The following CNBD1 variants were observed in gnomAD, a reference collection of about 807,000 sequenced individuals.
CNBD1 encodes cyclic nucleotide-binding domain-containing protein 1.
In CNBD1, 71 loss-of-function variants were observed where a neutral mutation model predicts 54.4. The observed-to-expected ratio is 1.30, with a 90% CI of 1.08 to 1.59. The LOEUF (loss-of-function observed/expected upper bound fraction) is 1.59, where lower values mean the gene tolerates loss of function less well. Ranked by LOEUF, CNBD1 falls within the 40% of genes most tolerant of loss-of-function variation. The probability of loss-of-function intolerance (pLI) is 0.00; values close to 1 mark genes in which losing one functional copy is unlikely to be tolerated. For missense variants in CNBD1, 659 were observed against 518.0 expected, an observed-to-expected ratio of 1.27 and a Z score of -2.64; for synonymous variants, 182 against 170.7, an observed-to-expected ratio of 1.07 and a Z score of -0.51.
chr8:87,372,526 C>T (rs1346663506), intron 10 of CNBD1, among the ~76,000 whole-genome samples: 2 of 151,834 alleles, frequency 1.3e-5, no homozygotes, highest in Non-Finnish European at 2.9e-5. Flanking sequence ...TTTAGAGTCA[C>T]CATAAACGTG....
At chr8:87,155,256 C>A (rs1451451153) in intron 4 of CNBD1, among the ~76,000 whole-genome samples, 1 of 152,158 alleles carries the variant, frequency 6.6e-6, no homozygotes, top group Non-Finnish European at 1.5e-5. Context: ...TGTTGACCTT[C>A]ATGAGATCCA....
intron 4 of CNBD1, among the ~76,000 whole-genome samples, chr8:87,173,782 CA>C (rs2130770921): frequency 6.6e-6 from 1 of 151,526 alleles, no homozygotes; most frequent in East Asian, 1.9e-4. Flanking sequence ...CCTTCTTGTA[CA>C]TGGATATTGA....
intron 4 of CNBD1, among the ~76,000 whole-genome samples, chr8:87,099,792 T>G (rs1331136942): frequency 2.0e-5 from 3 of 152,332 alleles, no homozygotes; most frequent in Non-Finnish European, 2.9e-5. Flanking sequence ...TAACAGACTC[T>G]TAAGTGGAGA....
At chr8:87,320,115 A>T (rs1421497165) in intron 8 of CNBD1, among the ~76,000 whole-genome samples, 1 of 152,084 alleles carries the variant, frequency 6.6e-6, no homozygotes, top group Non-Finnish European at 1.5e-5. Flanking sequence ...ATTGTGATAG[A>T]TGTTCTTTTA....
At chr8:87,033,016 T>C (rs554718177) in intron 4 of CNBD1, among the ~76,000 whole-genome samples, 3 of 152,318 alleles carry the variant, frequency 2.0e-5, no homozygotes, top group South Asian at 2.1e-4. Context: ...GTTTCCTTGA[T>C]TGACTCTATC....
intron 4 of CNBD1, among the ~76,000 whole-genome samples, chr8:87,187,572 A>G (rs1304082203): frequency 6.6e-6 from 1 of 151,876 alleles, no homozygotes; most frequent in East Asian, 1.9e-4. Context: ...ATTTCAAACC[A>G]GCATTATCAG....
At chr8:87,016,969 G>A (rs955617355) in intron 4 of CNBD1, among the ~76,000 whole-genome samples, 7 of 152,124 alleles carry the variant, frequency 4.6e-5, no homozygotes, top group African/African-American at 7.2e-5. Context: ...TGTTACCCAC[G>A]TCATGGTAAA....
chr8:86,989,087 A>G (rs1808678260), intron 4 of CNBD1, among the ~76,000 whole-genome samples: 1 of 152,122 alleles, frequency 6.6e-6, no homozygotes, highest in Non-Finnish European at 1.5e-5. Context: ...CACAGGCAAC[A>G]TAGTGAGATT....
At position 87,190,969 on chromosome 8, in the gene CNBD1, G is replaced by GAT. The variant is rs1412214937; in HGVS notation, c.432-15015_432-15014dup. The stretch of plus-strand genomic sequence containing the variant: ...TACATATATGTGTATCTGTATGAAA[G>GAT]ATATATATATGTATCTAATGAAAGC... On this transcript the variant is annotated intron_variant, in intron 4 of 10. Coordinates refer to ENST00000518476, the MANE Select transcript of CNBD1 (RefSeq NM_173538.3). Among the ~76,000 whole-genome samples the GAT allele has an allele frequency of 1.3e-4, 17 of 129,696 alleles. No individual in the cohort carries two copies. The South Asian group carries it at 1.9e-3, about 14-fold the overall frequency. 85.1% of individuals were successfully genotyped at this position (129,696 alleles called of 152,430 possible). A position where few individuals can be genotyped will look rare whatever the true frequency, so the allele number is the denominator to read the frequency against.
intron 2 of CNBD1, among the ~76,000 whole-genome samples, chr8:87,393,737 A>G (rs866074775): frequency 5.9e-5 from 9 of 152,036 alleles, no homozygotes; most frequent in Admixed American, 2.0e-4. Flanking sequence ...GAAGAGGGAG[A>G]GAAAACCACC....
chr8:86,933,772 TTAA>T (rs925231598), intron 3 of CNBD1, among the ~76,000 whole-genome samples: 7 of 152,070 alleles, frequency 4.6e-5, no homozygotes, highest in African/African-American at 1.7e-4. Context: ...TTTTATTTGT[TTAA>T]TAATTAATAT....
At chr8:87,365,367 G>C (rs1356819918) in intron 10 of CNBD1, among the ~76,000 whole-genome samples, 2 of 151,678 alleles carry the variant, frequency 1.3e-5, no homozygotes, top group South Asian at 2.1e-4. Flanking sequence ...TTGTACATTT[G>C]TTTAAGTTAC....
chr8:87,167,131 C>T (rs1479274474), intron 4 of CNBD1, among the ~76,000 whole-genome samples: 1 of 151,902 alleles, frequency 6.6e-6, no homozygotes, highest in Non-Finnish European at 1.5e-5. Flanking sequence ...ACCATTAACA[C>T]CTCTGTGCCT....
At chr8:87,380,579 G>C (rs1008165162) in intron 10 of CNBD1, among the ~76,000 whole-genome samples, 5 of 151,898 alleles carry the variant, frequency 3.3e-5, no homozygotes, top group Non-Finnish European at 7.4e-5. Context: ...TTTAATAGAA[G>C]TTTTATTGAA....
chr8:87,338,268 A>G (rs1321989417), intron 8 of CNBD1, among the ~76,000 whole-genome samples: 2 of 152,168 alleles, frequency 1.3e-5, no homozygotes, highest in East Asian at 1.9e-4. Context: ...CTATTATCTG[A>G]CAGTCTTCCT....
chr8:87,226,119 A>T (rs1378736519), intron 5 of CNBD1, among the ~76,000 whole-genome samples: 1 of 151,476 alleles, frequency 6.6e-6, no homozygotes, highest in Non-Finnish European at 1.5e-5. Context: ...CATCTGTTTG[A>T]TTCTTCTCTC....
intron 4 of CNBD1, among the ~76,000 whole-genome samples, chr8:86,943,387 A>G (rs901021943): frequency 3.3e-5 from 5 of 151,328 alleles, no homozygotes; most frequent in Admixed American, 6.6e-5. Context: ...AAAAAAAAAA[A>G]AAAGAAATGC....
chr8:87,237,827 G>A (rs985438546), intron 6 of CNBD1, among the ~76,000 whole-genome samples: 15 of 151,986 alleles, frequency 9.9e-5, no homozygotes, highest in Non-Finnish European at 8.8e-5. Flanking sequence ...ATATTCAAGA[G>A]AAATAAGCAT....
intron 6 of CNBD1, among the ~76,000 whole-genome samples, chr8:87,267,962 G>T (rs1808295323): frequency 6.6e-6 from 1 of 151,986 alleles, no homozygotes; most frequent in Admixed American, 6.6e-5. Flanking sequence ...TATTCTGTTT[G>T]CTTATATGTT....
Sources: gnomAD v4.1 joint callset for allele counts (sites outside exome capture counted in the v4.1 genomes callset) on GRCh38, gnomAD v4.1.1 for gene constraint, MANE v1.5 for transcripts, NCBI Gene and HGNC (gene_info 2026-07-23, HGNC 2026-07-21) for gene names.